MINDY2: variants seen among roughly 807,000 people sequenced by gnomAD.
MINDY2 encodes the protein ubiquitin carboxyl-terminal hydrolase MINDY-2.
A neutral mutation model predicts 68.2 loss-of-function variants in MINDY2; 52 were observed. That is an observed-to-expected ratio of 0.76 (90% CI 0.61 to 0.96). MINDY2 has a LOEUF of 0.96. Ranked by LOEUF, MINDY2 falls within the 40% of genes least tolerant of loss-of-function variation. The pLI, the probability that MINDY2 is intolerant of heterozygous loss-of-function variation, is 0.00. For missense variants in MINDY2, 881 were observed against 773.4 expected, an observed-to-expected ratio of 1.14 and a Z score of -1.65; for synonymous variants, 372 against 303.0, an observed-to-expected ratio of 1.23 and a Z score of -2.36.
intron 5 of MINDY2, among the ~76,000 whole-genome samples, chr15:58,824,482 C>T (rs1171075915): frequency 1.3e-5 from 2 of 151,882 alleles, no homozygotes; most frequent in African/African-American, 4.8e-5. Flanking sequence ...TTATATGTGT[C>T]ATTTAGCATA....
intron 6 of MINDY2, among the ~76,000 whole-genome samples, chr15:58,837,539 CAA>C (rs59471550): frequency 9.1e-4 from 110 of 121,412 alleles, no homozygotes; most frequent in Non-Finnish European, 7.9e-4. Context: ...ATGATGGCAC[CAA>C]AAAAAAAAAA....
chr15:58,775,894 T>C (rs1214369352), intron 1 of MINDY2, among the ~76,000 whole-genome samples: 3 of 146,792 alleles, frequency 2.0e-5, no homozygotes, highest in Non-Finnish European at 4.5e-5. Context: ...AGAGTCTCAC[T>C]CTGTCTTGCC....
intron 2 of MINDY2, among the ~76,000 whole-genome samples, chr15:58,791,215 T>A (rs867319457): frequency 2.8e-4 from 22 of 79,586 alleles, no homozygotes; most frequent in African/African-American, 6.0e-4. Flanking sequence ...GAAAGCAATT[T>A]TATATATATA....
At chr15:58,814,258 C>T (rs952016155) in intron 4 of MINDY2, among the ~76,000 whole-genome samples, 10 of 152,240 alleles carry the variant, frequency 6.6e-5, no homozygotes, top group African/African-American at 2.4e-4. Context: ...ATTTCTTTAA[C>T]GGCTAATGAT....
intron 6 of MINDY2, among the ~76,000 whole-genome samples, chr15:58,846,538 A>T (rs984834908): frequency 1.3e-5 from 2 of 148,558 alleles, no homozygotes; most frequent in Non-Finnish European, 3.0e-5. Flanking sequence ...GGTTGCAGTG[A>T]GCTGAGGTGG....
chr15:58,829,504 T>C lies in MINDY2; in HGVS notation c.1226-2270T>C, dbSNP rs140827713. Among the ~76,000 whole-genome samples, 552 of 152,364 alleles carry C rather than the reference T, an allele frequency of 3.6e-3. 2 individuals are homozygous for C. The highest frequency in any genetic ancestry group is 0.012 in the African/African-American group (495 of 41,592). ...AAGAAGTAGCTGAGAAAGACCTTTC[T>C]AATGTTGAATTTTTGGATTTCACAC... is the stretch of plus-strand genomic sequence containing the variant. On this transcript the variant is annotated intron_variant, in intron 5 of 8. Transcript: ENST00000559228.
At chr15:58,847,569 A>G (rs1595781735) in intron 7 of MINDY2, 99 bp downstream of exon 7, 2 of 987,834 alleles carry the variant, frequency 2.0e-6, no homozygotes, top group East Asian at 5.1e-5. Flanking sequence ...TTAATTCATC[A>G]ATATGCTTGT....
In MINDY2 at chr15:58,855,457, A is replaced by G. The variant is rs1595791860; in HGVS notation, c.*847A>G. 6.5e-6 allele frequency: 1 copy of G among 152,764 alleles called. No individual in the cohort carries two copies. Among genetic ancestry groups the G allele is most frequent in the African/African-American group, 2.4e-5 (1 of 41,576 alleles). 9.5% of individuals were successfully genotyped at this position (152,764 alleles called of 1,614,324 possible). On this transcript the variant is annotated 3_prime_UTR_variant, in exon 9 of 9. Coordinates refer to ENST00000559228, the MANE Select transcript of MINDY2 (RefSeq NM_001040450.3). ...CTAGGCTTTGTAAATATGGGGATGTAGAAAAGCAGATAGTTCAGTGTCTAC... is the reference window on the plus strand; with the variant it reads ...CTAGGCTTTGTAAATATGGGGATGTGGAAAAGCAGATAGTTCAGTGTCTAC...
chr15:58,796,155 T>C (rs1902269359), intron 2 of MINDY2: 3 of 455,532 alleles, frequency 6.6e-6, no homozygotes, highest in Non-Finnish European at 8.8e-6. Flanking sequence ...TACAAATGGG[T>C]ATGGGAAGTG....
rs57998049 is a variant in MINDY2 at position 58,791,215 on chromosome 15, T to TTATATATATATATATATATATATA, written c.898+3270_898+3293dup. The stretch of plus-strand genomic sequence containing the variant: ...AAAGGGAGCCATCAGGAAAGCAATT[T>TTATATATATATATATATATATATA]TATATATATATATATATATATATAT... On this transcript the variant is annotated intron_variant, in intron 2 of 8. Coordinates refer to ENST00000559228, the MANE Select transcript of MINDY2 (RefSeq NM_001040450.3). Among the ~76,000 whole-genome samples the TTATATATATATATATATATATATA allele has an allele frequency of 1.5e-4, 12 of 79,598 alleles. 1 individual carries two copies. The highest frequency in any genetic ancestry group is 2.9e-4 in the Non-Finnish European group (9 of 31,542). The allele number at this position is 79,598 out of a possible 152,430, so 52.2% of individuals were successfully genotyped here.
chr15:58,851,963 C>T lies in MINDY2; in HGVS notation c.1735C>T (p.Gln579Ter). 3 of 1,576,044 alleles carry T rather than the reference C, an allele frequency of 1.9e-6. No homozygotes were observed. Among genetic ancestry groups the T allele is most frequent in the Non-Finnish European group, 2.6e-6 (3 of 1,168,264 alleles). Reference protein sequence around the residue: ...AAAAAASTQAQQGQPAQASPS... With the variant: ...AAAAAASTQA Reference sequence around the variant, plus strand: ...TGCTGCTGCTGCTTCTACACAGGCTCAGGTAAAAACTAGTGTTTTGAGTCT... The same window carrying T: ...TGCTGCTGCTGCTTCTACACAGGCTTAGGTAAAAACTAGTGTTTTGAGTCT... Residue 579 changes from glutamine to a stop codon, truncating the protein, a stop_gained and splice_region_variant, in exon 8 of 9, where the codon CAG becomes TAG. Transcript: ENST00000559228. LOFTEE classifies it high-confidence loss of function.
chr15:58,803,249 G>C (rs950682259), intron 3 of MINDY2, among the ~76,000 whole-genome samples: 1 of 141,656 alleles, frequency 7.1e-6, no homozygotes, highest in Non-Finnish European at 1.5e-5. Context: ...GGCAGATCAC[G>C]AAGTCAGGAG....
chr15:58,791,145 A>C (rs1472870331), intron 2 of MINDY2, among the ~76,000 whole-genome samples: 2 of 143,034 alleles, frequency 1.4e-5, no homozygotes, highest in African/African-American at 5.1e-5. Context: ...ACGCCACTGC[A>C]CTCCAGCCTG....
chr15:58,791,705 T>C (rs568951648), intron 2 of MINDY2, among the ~76,000 whole-genome samples: 1 of 151,490 alleles, frequency 6.6e-6, no homozygotes, highest in South Asian at 2.1e-4. Context: ...ATTTTTAATT[T>C]TATATAATAT....
chr15:58,853,819 T>TAA lies in MINDY2; in HGVS notation c.1738-641_1738-640dup, dbSNP rs10563818. Among the ~76,000 whole-genome samples, 515 of 102,174 alleles carry TAA rather than the reference T, an allele frequency of 5.0e-3. 7 individuals are homozygous for TAA. The highest frequency in any genetic ancestry group is 0.018 in the African/African-American group (481 of 26,320). The allele number at this position is 102,174 out of a possible 152,430, so 67.0% of individuals were successfully genotyped here. ...CTAACAGAGTGAGACTCCATCTCAA[T>TAA]AAAAAAAAAAAAAAAAAAAAAAAGT... On this transcript the variant is annotated intron_variant, in intron 8 of 8. Coordinates refer to ENST00000559228, the MANE Select transcript of MINDY2 (RefSeq NM_001040450.3).
chr15:58,860,162 T>C lies in MINDY2; in HGVS notation c.*5552T>C, dbSNP rs2033176536. ...TCCAGTTTTAATCTGCACTGTAATA[T>C]CCTGCTTTGAGAAGAAAGAATGCCT... On this transcript the variant is annotated 3_prime_UTR_variant, in exon 9 of 9. Coordinates refer to ENST00000559228, the MANE Select transcript of MINDY2 (RefSeq NM_001040450.3). 6.6e-6 allele frequency: 1 copy of C among 152,190 alleles called. No individual in the cohort carries two copies. Among genetic ancestry groups the C allele is most frequent in the Non-Finnish European group, 1.5e-5 (1 of 68,036 alleles). 9.4% of individuals were successfully genotyped at this position (152,190 alleles called of 1,614,324 possible).
rs370879219 is a variant in MINDY2 at position 58,851,976 on chromosome 15, G to T, written c.1737+11G>T. 63 of 1,564,582 alleles carry T rather than the reference G, an allele frequency of 4.0e-5. No homozygotes were observed. The highest frequency in any genetic ancestry group is 4.0e-5 in the Non-Finnish European group (46 of 1,161,878). On this transcript the variant is annotated intron_variant, in intron 8 of 8. Coordinates refer to ENST00000559228, the MANE Select transcript of MINDY2 (RefSeq NM_001040450.3). ...TCTACACAGGCTCAGGTAAAAACTA[G>T]TGTTTTGAGTCTTAAATGTGATGAT...
intron 2 of MINDY2, among the ~76,000 whole-genome samples, chr15:58,800,660 T>A (rs1286782263): frequency 6.6e-6 from 1 of 151,856 alleles, no homozygotes; most frequent in Non-Finnish European, 1.5e-5. Flanking sequence ...GCATCCAGTT[T>A]AGCTTTTTTT....
In MINDY2 at chr15:58,860,288, T is replaced by A. The variant is rs2033180040; in HGVS notation, c.*5678T>A. ...AGCTGAAAATAAAAAGTCAGGAAACTGGCCCGGTGCGGTGGCTCATGCCTG... is the reference window on the plus strand; with the variant it reads ...AGCTGAAAATAAAAAGTCAGGAAACAGGCCCGGTGCGGTGGCTCATGCCTG... On this transcript the variant is annotated 3_prime_UTR_variant, in exon 9 of 9. Coordinates refer to ENST00000559228, the MANE Select transcript of MINDY2 (RefSeq NM_001040450.3). 1 of 152,166 alleles carries A rather than the reference T, an allele frequency of 6.6e-6. No homozygotes were observed. The highest frequency in any genetic ancestry group is 2.1e-4 in the South Asian group (1 of 4,826). 9.4% of individuals were successfully genotyped at this position (152,166 alleles called of 1,614,324 possible).
Sources: gnomAD v4.1 joint callset for allele counts (sites outside exome capture counted in the v4.1 genomes callset) on GRCh38, gnomAD v4.1.1 for gene constraint, MANE v1.5 for transcripts, NCBI Gene and HGNC (gene_info 2026-07-23, HGNC 2026-07-21) for gene names.